The following BTLA variants were observed in gnomAD, a reference collection of about 807,000 sequenced individuals.
BTLA encodes the protein B and T lymphocyte associated.
BTLA carries 11 observed loss-of-function variants against 25.0 expected under a neutral mutation model. The ratio of observed to expected loss-of-function variants is 0.44; its 90% CI spans 0.28 to 0.73. BTLA has a LOEUF of 0.73. Ranked by LOEUF, BTLA falls within the 30% of genes least tolerant of loss-of-function variation. The pLI is 0.15. For missense variants in BTLA, 282 were observed against 332.8 expected, an observed-to-expected ratio of 0.85 and a Z score of 1.19; for synonymous variants, 104 against 119.8, an observed-to-expected ratio of 0.87 and a Z score of 0.86.
At position 112,464,383 on chromosome 3, in the gene BTLA, C is replaced by T. The variant is rs993585888; in HGVS notation, c.*1725G>A. ...AAGAGGACAGCTAAATGTATCCTCC[C>T]CATATTTCCTGTTTCTATTTTTAAG... On this transcript the variant is annotated 3_prime_UTR_variant, in exon 5 of 5. Transcript: ENST00000334529. 1.9e-5 allele frequency: 7 copies of T among 373,886 alleles called. No individual in the cohort carries two copies. Among genetic ancestry groups the T allele is most frequent in the African/African-American group, 1.4e-4 (7 of 48,278 alleles). The allele number at this position is 373,886 out of a possible 1,614,324, so 23.2% of individuals were successfully genotyped here. A position where few individuals can be genotyped will look rare whatever the true frequency, so the allele number is the denominator to read the frequency against.
chr3:112,499,191 ACT>A, intron 1 of BTLA, 78 bp downstream of exon 1: 2 of 1,015,842 alleles, frequency 2.0e-6, no homozygotes, highest in Non-Finnish European at 3.1e-6. Context: ...GTTACACCGT[ACT>A]AAGTTCAGCA....
chr3:112,474,086 G>A (rs111680725), intron 2 of BTLA, among the ~76,000 whole-genome samples: 225 of 152,254 alleles, frequency 1.5e-3, no homozygotes, highest in African/African-American at 5.0e-3. Context: ...GCTTTCCCAA[G>A]AGCATCCAAG....
At position 112,496,562 on chromosome 3, in the gene BTLA, G is replaced by A. The variant is rs550575535; in HGVS notation, c.88+2709C>T. The stretch of plus-strand genomic sequence containing the variant: ...AAAATGTATTACTGTAAAGAACTCA[G>A]CAATTAAGTAAATCACAGGAAATCC... On this transcript the variant is annotated intron_variant, in intron 1 of 4. Transcript: ENST00000334529. Among the ~76,000 whole-genome samples, 27 of 152,220 alleles carry A rather than the reference G, an allele frequency of 1.8e-4. No individual in the cohort carries two copies. In the South Asian group the frequency reaches 3.1e-3, roughly 18 times the overall value.
intron 1 of BTLA, among the ~76,000 whole-genome samples, chr3:112,486,031 G>A (rs1708141977): frequency 6.6e-6 from 1 of 152,186 alleles, no homozygotes; most frequent in Admixed American, 6.5e-5. Flanking sequence ...GCAGGAGAAT[G>A]GCGTGAACCC....
intron 1 of BTLA, 87 bp from the exon 2 acceptor site, chr3:112,479,856 T>G: frequency 1.7e-6 from 2 of 1,202,604 alleles, no homozygotes; most frequent in South Asian, 3.3e-5. Flanking sequence ...AAGCATTATT[T>G]GGTAATTTTC....
chr3:112,499,448 C>T lies in BTLA; in HGVS notation c.-90G>A, dbSNP rs1245901675. The T allele has an allele frequency of 9.2e-6, 8 of 872,634 alleles. No individual in the cohort carries two copies. The highest frequency in any genetic ancestry group is 2.6e-5 in the East Asian group (1 of 38,000). 54.1% of individuals were successfully genotyped at this position (872,634 alleles called of 1,614,324 possible). A position where few individuals can be genotyped will look rare whatever the true frequency, so the allele number is the denominator to read the frequency against. On this transcript the variant is annotated 5_prime_UTR_variant, in exon 1 of 5. Coordinates refer to ENST00000334529, the MANE Select transcript of BTLA (RefSeq NM_181780.4). ...CTGCAGAGTTGGGTCAGTTTACCTA[C>T]CCCAGTGGCATCTGTGAAATAACTA...
intron 1 of BTLA, among the ~76,000 whole-genome samples, chr3:112,496,909 G>C (rs1219893082): frequency 6.6e-6 from 1 of 152,104 alleles, no homozygotes; most frequent in African/African-American, 2.4e-5. Context: ...TATATTTTTA[G>C]TAGAGACGGG....
chr3:112,490,033 T>A (rs1181879391), intron 1 of BTLA, among the ~76,000 whole-genome samples: 1 of 152,116 alleles, frequency 6.6e-6, no homozygotes, highest in Non-Finnish European at 1.5e-5. Context: ...GACATTGACT[T>A]GCATACCTTG....
intron 4 of BTLA, 151 bp downstream of exon 4, chr3:112,469,607 G>GTATATATATATATATATA (rs60258722): frequency 1.4e-4 from 8 of 58,348 alleles, no homozygotes; most frequent in East Asian, 3.9e-4. Flanking sequence ...ATGGGTCTAT[G>GTATATATATATATATATA]TATATATATA....
At chr3:112,498,829 A>G (rs2082424979) in intron 1 of BTLA, among the ~76,000 whole-genome samples, 1 of 151,976 alleles carries the variant, frequency 6.6e-6, no homozygotes, top group Non-Finnish European at 1.5e-5. Flanking sequence ...GAGGGTAACC[A>G]TGGAGATATG....
Position 112,483,296 on chromosome 3 carries a change from C to T in BTLA, c.89-3527G>A, listed in dbSNP as rs141054807. 8.8e-3 allele frequency among the ~76,000 whole-genome samples: 1,338 copies of T among 151,670 alleles called. 11 individuals carry two copies. Among genetic ancestry groups the T allele is most frequent in the Non-Finnish European group, 0.013 (879 of 67,854 alleles). On this transcript the variant is annotated intron_variant, in intron 1 of 4. Coordinates refer to ENST00000334529, the MANE Select transcript of BTLA (RefSeq NM_181780.4). Reference sequence around the variant, plus strand: ...CCCGGGTAACTGGGATTACAGGCGCCCACCACCACGCCCAGCTGATTTTGT... The same window carrying T: ...CCCGGGTAACTGGGATTACAGGCGCTCACCACCACGCCCAGCTGATTTTGT...
At chr3:112,497,786 T>C (rs745556214) in intron 1 of BTLA, among the ~76,000 whole-genome samples, 16 of 152,208 alleles carry the variant, frequency 1.1e-4, no homozygotes, top group Non-Finnish European at 1.9e-4. Context: ...AAATTATAGA[T>C]AGACTTTCCA....
At chr3:112,488,333 CT>C (rs2107332332) in intron 1 of BTLA, among the ~76,000 whole-genome samples, 1 of 150,716 alleles carries the variant, frequency 6.6e-6, no homozygotes, top group South Asian at 2.1e-4. Flanking sequence ...CGCCATTCTC[CT>C]GCCTCAGCCT....
chr3:112,499,138 G>A (rs1559832575), intron 1 of BTLA, 133 bp downstream of exon 1: 2 of 632,290 alleles, frequency 3.2e-6, no homozygotes, highest in Non-Finnish European at 5.5e-6. Context: ...GTAAGCAAAT[G>A]TAACAGCTTG....
rs922345892 is a variant in BTLA at position 112,464,205 on chromosome 3, C to T, written c.*1903G>A. On this transcript the variant is annotated 3_prime_UTR_variant, in exon 5 of 5. Coordinates refer to ENST00000334529, the MANE Select transcript of BTLA (RefSeq NM_181780.4). ...TGATTTGTGATTTTGGCAAACAGTA[C>T]AAATATATTAATACATCTTAGAGAT... The T allele has an allele frequency of 1.0e-5, 4 of 397,628 alleles. No homozygotes were observed. The Admixed American group carries it at 1.3e-4, about 13-fold the overall frequency. The allele number at this position is 397,628 out of a possible 1,614,324, so 24.6% of individuals were successfully genotyped here.
rs1448795937 is a variant in BTLA, at chr3:112,479,494, T to C, written c.364A>G (p.Asn122Asp). ...SYRCSANFQS[N>D]LIESHSTTLY... Reference sequence around the variant, plus strand: ...GTTGTTGAGTGGCTTTCAATGAGATTAGACTGAAAATTTGCAGAACAGCGG... The same window carrying C: ...GTTGTTGAGTGGCTTTCAATGAGATCAGACTGAAAATTTGCAGAACAGCGG... The change falls in exon 2 of 5, where the codon AAT becomes GAT. Residue 122 changes from asparagine to aspartate, a missense_variant. Asn to Asp is a conservative substitution (Grantham distance 23). Coordinates refer to ENST00000334529, the MANE Select transcript of BTLA (RefSeq NM_181780.4). 6.2e-7 allele frequency: 1 copy of C among 1,613,938 alleles called. No individual in the cohort carries two copies. The highest frequency in any genetic ancestry group is 8.5e-7 in the Non-Finnish European group (1 of 1,179,842).
At chr3:112,486,779 C>T (rs891372928) in intron 1 of BTLA, among the ~76,000 whole-genome samples, 2 of 151,986 alleles carry the variant, frequency 1.3e-5, no homozygotes, top group Admixed American at 6.6e-5. Flanking sequence ...GTTGCCAAGC[C>T]GAAGATTTTA....
intron 4 of BTLA, among the ~76,000 whole-genome samples, chr3:112,467,755 A>G (rs148993696): frequency 1.3e-3 from 205 of 152,356 alleles, no homozygotes; most frequent in African/African-American, 4.6e-3. Context: ...TGCTTGGCTA[A>G]GATAAAAAGT....
chr3:112,490,565 T>C (rs1168801927), intron 1 of BTLA, among the ~76,000 whole-genome samples: 1 of 151,638 alleles, frequency 6.6e-6, no homozygotes, highest in Non-Finnish European at 1.5e-5. Flanking sequence ...TCACCTGATA[T>C]TGCTCTTTAG....
Sources: allele counts gnomAD v4.1 joint callset (sites outside exome capture counted in the v4.1 genomes callset), GRCh38; gene constraint gnomAD v4.1.1; transcripts MANE v1.5; gene names NCBI Gene and HGNC (gene_info 2026-07-23, HGNC 2026-07-21).